STK32B: variants seen among roughly 807,000 people sequenced by gnomAD.
STK32B encodes the protein serine/threonine-protein kinase 32B.
A neutral mutation model predicts 52.6 loss-of-function variants in STK32B; 43 were observed. That is an observed-to-expected ratio of 0.82 (90% CI 0.64 to 1.05). The LOEUF is 1.05. STK32B is among the 50% of genes least tolerant of loss of function. The pLI is 0.00. For synonymous variants in STK32B, 238 were observed against 204.3 expected (o/e 1.17, Z -1.41); for missense variants, 621 against 534.6 (o/e 1.16, Z -1.59).
chr4:5,196,662 A>T (rs1252537350), intron 3 of STK32B, among the ~76,000 whole-genome samples: 1 of 151,978 alleles, frequency 6.6e-6, no homozygotes, highest in African/African-American at 2.4e-5. Flanking sequence ...CGGAGGTTGC[A>T]GTGAGCTGAG....
At position 5,417,735 on chromosome 4, in the gene STK32B, T is replaced by G. The variant is rs78892409; in HGVS notation, c.562+801T>G. Among the ~76,000 whole-genome samples the G allele has an allele frequency of 1.8e-4, 27 of 152,354 alleles. No homozygotes were observed. In the East Asian group the frequency reaches 4.2e-3, roughly 24 times the overall value. ...TTCTGAATGTCTATATTGTTATCAA[T>G]TACTGTGTAACAAACTGTGTCAAAA... is the stretch of plus-strand genomic sequence containing the variant. On this transcript the variant is annotated intron_variant, in intron 6 of 11. Transcript: ENST00000282908.
At chr4:5,252,981 G>C (rs1428396978) in intron 3 of STK32B, among the ~76,000 whole-genome samples, 4 of 152,050 alleles carry the variant, frequency 2.6e-5, no homozygotes, top group African/African-American at 9.7e-5. Context: ...TAATCCTTCT[G>C]CCACCACTGC....
At chr4:5,244,198 C>A (rs1266352047) in intron 3 of STK32B, among the ~76,000 whole-genome samples, 2 of 152,168 alleles carry the variant, frequency 1.3e-5, no homozygotes, top group Non-Finnish European at 2.9e-5. Flanking sequence ...AGCTGTGAAT[C>A]CATCTGGTCC....
chr4:5,103,186 A>G (rs192115146), intron 1 of STK32B, among the ~76,000 whole-genome samples: 184 of 151,976 alleles, frequency 1.2e-3, no homozygotes, highest in Non-Finnish European at 2.2e-3. Context: ...AAAGAATGAA[A>G]TGTGTCAAAG....
chr4:5,088,250 A>C (rs1479299575), intron 1 of STK32B, among the ~76,000 whole-genome samples: 5 of 152,116 alleles, frequency 3.3e-5, no homozygotes, highest in Non-Finnish European at 7.4e-5. Context: ...ATCAAAACTC[A>C]TGGTATGCAT....
chr4:5,311,387 A>G (rs1382081595), intron 3 of STK32B, among the ~76,000 whole-genome samples: 1 of 152,198 alleles, frequency 6.6e-6, no homozygotes, highest in Non-Finnish European at 1.5e-5. Context: ...AATAAAAATT[A>G]AAAAGAGCAA....
At chr4:5,389,090 C>T (rs971088486) in intron 4 of STK32B, among the ~76,000 whole-genome samples, 13 of 152,310 alleles carry the variant, frequency 8.5e-5, no homozygotes, top group South Asian at 2.1e-4. Flanking sequence ...TGAGTAGCAG[C>T]ATGGGGTTTT....
At chr4:5,142,397 A>G (rs979037958) in intron 2 of STK32B, among the ~76,000 whole-genome samples, 3 of 152,214 alleles carry the variant, frequency 2.0e-5, no homozygotes, top group Non-Finnish European at 2.9e-5. Context: ...CCAGAATGAT[A>G]TTGAGTTGTG....
chr4:5,431,948 A>T (rs759406140), intron 6 of STK32B, among the ~76,000 whole-genome samples: 1 of 152,186 alleles, frequency 6.6e-6, no homozygotes, highest in Non-Finnish European at 1.5e-5. Context: ...CTTTAATGCA[A>T]TGAATTATGA....
intron 3 of STK32B, among the ~76,000 whole-genome samples, chr4:5,291,422 A>G (rs1728886135): frequency 6.6e-6 from 1 of 152,124 alleles, no homozygotes; most frequent in South Asian, 2.1e-4. Context: ...TGCTATTTTA[A>G]ATAAAATTGT....
intron 3 of STK32B, among the ~76,000 whole-genome samples, chr4:5,286,794 CTTT>C (rs60300816): frequency 1.4e-4 from 16 of 113,252 alleles, no homozygotes; most frequent in Middle Eastern, 4.6e-3. Context: ...TACAGATGTA[CTTT>C]TTTTTTTTTT....
chr4:5,023,172 C>A, the STK32B span, among the ~76,000 whole-genome samples: 1 of 152,224 alleles, frequency 6.6e-6, no homozygotes, highest in African/African-American at 2.4e-5. Context: ...CTGCCTAGGG[C>A]CTCCAAAACG....
intron 2 of STK32B, among the ~76,000 whole-genome samples, chr4:5,167,994 G>A (rs189370984): frequency 7.7e-4 from 118 of 152,292 alleles, no homozygotes; most frequent in Non-Finnish European, 1.4e-3. Flanking sequence ...TATTTTCCTC[G>A]TGGGCTGTGA....
intron 3 of STK32B, among the ~76,000 whole-genome samples, chr4:5,211,667 A>G (rs1722912090): frequency 6.6e-6 from 1 of 152,190 alleles, no homozygotes; most frequent in African/African-American, 2.4e-5. Flanking sequence ...CTCTTCTGTT[A>G]ACTCACCATG....
intron 1 of STK32B, among the ~76,000 whole-genome samples, chr4:5,118,553 A>C (rs1488999802): frequency 6.6e-6 from 1 of 152,202 alleles, no homozygotes; most frequent in East Asian, 1.9e-4. Flanking sequence ...TTGTTTCAGA[A>C]GCCATGTGCT....
At chr4:5,238,091 G>C (rs981554677) in intron 3 of STK32B, among the ~76,000 whole-genome samples, 1 of 152,150 alleles carries the variant, frequency 6.6e-6, no homozygotes, top group Non-Finnish European at 1.5e-5. Flanking sequence ...AGCATAAAAA[G>C]TTGTATTTGT....
chr4:5,053,073 C>T (rs1308893108), intron 1 of STK32B, among the ~76,000 whole-genome samples: 1 of 152,170 alleles, frequency 6.6e-6, no homozygotes, highest in Non-Finnish European at 1.5e-5. Flanking sequence ...TCTAGAACTC[C>T]CAAGGCTGTG....
rs144751113 is a variant in STK32B, at chr4:5,117,916, A to T, written c.53-21989A>T. 5.6e-3 allele frequency among the ~76,000 whole-genome samples: 856 copies of T among 152,334 alleles called. 10 individuals are homozygous for T. The highest frequency in any genetic ancestry group is 0.02 in the African/African-American group (811 of 41,584). Reference sequence around the variant, plus strand: ...CCAGGGATAAATCATATTTGATCACAGTGAACAATTCTTTTAATGTGCTGT... The same window carrying T: ...CCAGGGATAAATCATATTTGATCACTGTGAACAATTCTTTTAATGTGCTGT... On this transcript the variant is annotated intron_variant, in intron 1 of 11. Coordinates refer to ENST00000282908, the MANE Select transcript of STK32B (RefSeq NM_018401.3).
At chr4:5,454,510 T>C (rs1357372794) in intron 7 of STK32B, among the ~76,000 whole-genome samples, 2 of 152,080 alleles carry the variant, frequency 1.3e-5, no homozygotes, top group East Asian at 3.9e-4. Flanking sequence ...CCAACTCTAA[T>C]GACTCGATTG....
Sources: allele counts gnomAD v4.1 joint callset (sites outside exome capture counted in the v4.1 genomes callset), GRCh38; gene constraint gnomAD v4.1.1; transcripts MANE v1.5; gene names NCBI Gene and HGNC (gene_info 2026-07-23, HGNC 2026-07-21).